Variants in CDH18 observed in about 807,000 individuals in gnomAD.
CDH18 encodes the protein cadherin-18.
In CDH18, 31 loss-of-function variants were observed where a neutral mutation model predicts 67.9. That is an observed-to-expected ratio of 0.46 (90% confidence interval 0.34 to 0.62). The LOEUF (loss-of-function observed/expected upper bound fraction) is 0.62. Ranked by LOEUF, CDH18 falls within the 20% of genes least tolerant of loss-of-function variation. The pLI is 0.01. For synonymous variants in CDH18, 362 were observed against 347.2 expected, an observed-to-expected ratio of 1.04 and a Z score of -0.48; for missense variants, 890 against 975.5, an observed-to-expected ratio of 0.91 and a Z score of 1.17.
At chr5:19,977,421 C>T (rs977717455) in intron 2 of CDH18, among the ~76,000 whole-genome samples, 1 of 152,116 alleles carries the variant, frequency 6.6e-6, no homozygotes, top group Non-Finnish European at 1.5e-5. Flanking sequence ...ATAAAGAATA[C>T]AGAAACTCAG....
intron 3 of CDH18, among the ~76,000 whole-genome samples, chr5:19,804,218 C>A (rs1451662040): frequency 6.6e-6 from 1 of 151,056 alleles, no homozygotes; most frequent in Non-Finnish European, 1.5e-5. Context: ...AAGAGAATGG[C>A]GTGAAGCCAG....
Position 20,170,818 on chromosome 5 carries a change from AC to A in CDH18, c.-518+84625del, listed in dbSNP as rs139432824. 5.7e-3 allele frequency among the ~76,000 whole-genome samples: 867 copies of A among 151,866 alleles called. 9 individuals are homozygous for A. The highest frequency in any genetic ancestry group is 0.02 in the African/African-American group (831 of 41,442). On this transcript the variant is annotated intron_variant, in intron 2 of 14. Transcript: ENST00000507958. ...TAATCACCCAGATACTAAGCCTTGT[AC>A]CCAAAAGTCTTTTTTTTTCTGCTCC...
chr5:20,309,319 A>G (rs1001463442), intron 1 of CDH18, among the ~76,000 whole-genome samples: 2 of 152,182 alleles, frequency 1.3e-5, no homozygotes, highest in Non-Finnish European at 2.9e-5. Context: ...CCTAGTTCAG[A>G]ATATTAATTG....
rs572155704 is a variant in CDH18 at position 19,998,766 on chromosome 5, T to G, written c.-517-6752A>C. Among the ~76,000 whole-genome samples, 84 of 152,146 alleles carry G rather than the reference T, an allele frequency of 5.5e-4. 3 individuals carry two copies. The South Asian group carries it at 0.013, about 24-fold the overall frequency. ...AAATACGAGTTTAGGGTCACAAAAT[T>G]AATGAAATAGAGGAGGCTGCCAAGC... On this transcript the variant is annotated intron_variant, in intron 2 of 14. Coordinates refer to the CDH18 transcript ENST00000507958.
intron 1 of CDH18, among the ~76,000 whole-genome samples, chr5:20,333,045 T>C (rs11747240): frequency 0.42 from 64,553 of 151,958 alleles, 15,865 homozygotes; most frequent in Middle Eastern, 0.61. Context: ...ACTTTTTTTT[T>C]CCTCATCAAT....
At chr5:20,376,043 T>TA (rs1743388475) in intron 1 of CDH18, among the ~76,000 whole-genome samples, 2 of 149,920 alleles carry the variant, frequency 1.3e-5, no homozygotes, top group Admixed American at 6.7e-5. Flanking sequence ...GGCACTGACT[T>TA]ACAATAAAAT....
chr5:19,632,235 A>T (rs1462039161), intron 5 of CDH18, among the ~76,000 whole-genome samples: 1 of 152,210 alleles, frequency 6.6e-6, no homozygotes, highest in Non-Finnish European at 1.5e-5. Flanking sequence ...CTGAAACTTC[A>T]CAATTCCTGA....
chr5:19,966,429 A>G (rs1258227027), intron 2 of CDH18, among the ~76,000 whole-genome samples: 1 of 152,228 alleles, frequency 6.6e-6, no homozygotes, highest in East Asian at 1.9e-4. Flanking sequence ...ATCACATTCA[A>G]TGTTATATCA....
chr5:19,579,085 A>G (rs973095553), intron 7 of CDH18, among the ~76,000 whole-genome samples: 2 of 152,014 alleles, frequency 1.3e-5, no homozygotes, highest in Non-Finnish European at 2.9e-5. Context: ...TAAATCTATC[A>G]ACCTCCTTAT....
At chr5:20,383,024 C>T (rs955977126) in intron 1 of CDH18, among the ~76,000 whole-genome samples, 3 of 152,016 alleles carry the variant, frequency 2.0e-5, no homozygotes, top group African/African-American at 7.2e-5. Context: ...TTGTATTTGC[C>T]TTACCTGCCG....
chr5:19,904,011 C>T (rs544802220), intron 2 of CDH18, among the ~76,000 whole-genome samples: 2 of 151,920 alleles, frequency 1.3e-5, no homozygotes, highest in Admixed American at 6.6e-5. Context: ...CAGTGGCTCA[C>T]GCTTGAAATC....
At chr5:20,234,204 A>C (rs1742302677) in intron 2 of CDH18, among the ~76,000 whole-genome samples, 1 of 152,138 alleles carries the variant, frequency 6.6e-6, no homozygotes, top group Admixed American at 6.6e-5. Flanking sequence ...AGTTCAAATA[A>C]GCAGGATCAT....
At chr5:20,105,903 G>C (rs140207361) in intron 2 of CDH18, among the ~76,000 whole-genome samples, 3 of 152,160 alleles carry the variant, frequency 2.0e-5, no homozygotes, top group Admixed American at 6.5e-5. Context: ...CTTTGAGTCT[G>C]AGGGCATTTT....
intron 1 of CDH18, among the ~76,000 whole-genome samples, chr5:20,560,353 G>T (rs189347054): frequency 6.6e-6 from 1 of 151,954 alleles, no homozygotes; most frequent in Admixed American, 6.6e-5. Flanking sequence ...ACATGTCGAT[G>T]AAAATTTCAA....
At chr5:19,758,088 G>A (rs1771848081) in intron 3 of CDH18, among the ~76,000 whole-genome samples, 1 of 152,114 alleles carries the variant, frequency 6.6e-6, no homozygotes, top group Non-Finnish European at 1.5e-5. Flanking sequence ...GAGACCATGG[G>A]CATTTGAGCC....
intron 2 of CDH18, among the ~76,000 whole-genome samples, chr5:20,233,565 C>T (rs1260461090): frequency 6.6e-6 from 1 of 151,850 alleles, no homozygotes; most frequent in Non-Finnish European, 1.5e-5. Context: ...TGCTAATTTG[C>T]TATTTACAAA....
chr5:20,510,108 A>G (rs1199544476), intron 1 of CDH18, among the ~76,000 whole-genome samples: 1 of 151,940 alleles, frequency 6.6e-6, no homozygotes, highest in Non-Finnish European at 1.5e-5. Context: ...ATGATATTTC[A>G]TTGTAGTTTT....
At chr5:20,446,916 T>C (rs1181498337) in intron 1 of CDH18, among the ~76,000 whole-genome samples, 1 of 152,206 alleles carries the variant, frequency 6.6e-6, no homozygotes, top group Non-Finnish European at 1.5e-5. Flanking sequence ...CAATGTTTTA[T>C]ATACCACCTT....
chr5:19,823,552 A>T (rs1019687192), intron 3 of CDH18, among the ~76,000 whole-genome samples: 3 of 152,160 alleles, frequency 2.0e-5, no homozygotes, highest in African/African-American at 7.2e-5. Flanking sequence ...ATATACATGC[A>T]CTCAATATTG....
Sources: allele counts gnomAD v4.1 joint callset (sites outside exome capture counted in the v4.1 genomes callset), GRCh38; gene constraint gnomAD v4.1.1; transcripts MANE v1.5; gene names NCBI Gene and HGNC (gene_info 2026-07-23, HGNC 2026-07-21).